Variants in PHF24 observed in about 807,000 individuals in gnomAD.
The protein encoded by PHF24 is Galpha inhibitory interacting protein.
PHF24 carries 25 observed loss-of-function variants against 42.6 expected under a neutral mutation model. The ratio of observed to expected loss-of-function variants is 0.59; its 90% confidence interval spans 0.43 to 0.82. The LOEUF (loss-of-function observed/expected upper bound fraction) is 0.82. Among genes scored for constraint, PHF24 ranks in the 40% least tolerant of loss-of-function variants. The pLI, the probability that PHF24 is intolerant of heterozygous loss-of-function variation, is 0.00. For synonymous variants in PHF24, 185 were observed against 204.8 expected, an observed-to-expected ratio of 0.90 and a Z score of 0.83; for missense variants, 470 against 538.1, an observed-to-expected ratio of 0.87 and a Z score of 1.25.
At chr9:34,759,622 A>G in the PHF24 span, among the ~76,000 whole-genome samples, 1 of 152,172 alleles carries the variant, frequency 6.6e-6, no homozygotes, top group Admixed American at 6.5e-5. Flanking sequence ...GGCTCCCTGC[A>G]GCTGCTGCTG....
the PHF24 span, among the ~76,000 whole-genome samples, chr9:34,827,091 T>C: frequency 6.6e-6 from 1 of 152,136 alleles, no homozygotes; most frequent in Non-Finnish European, 1.5e-5. Flanking sequence ...CATGAGCCCA[T>C]GCTGGCCTCA....
At chr9:34,886,660 A>T in the PHF24 span, among the ~76,000 whole-genome samples, 4 of 152,222 alleles carry the variant, frequency 2.6e-5, no homozygotes, top group Admixed American at 1.3e-4. Context: ...AACATTAAAG[A>T]GTCCCAGAGA....
chr9:34,839,523 C>T, the PHF24 span, among the ~76,000 whole-genome samples: 32 of 150,142 alleles, frequency 2.1e-4, no homozygotes, highest in East Asian at 6.2e-3. Flanking sequence ...TCCCTAACAG[C>T]CAATGATTTC....
chr9:34,820,639 T>C, the PHF24 span, among the ~76,000 whole-genome samples: 1 of 152,188 alleles, frequency 6.6e-6, no homozygotes, highest in Admixed American at 6.5e-5. Flanking sequence ...CTATTATTGA[T>C]GGGTATTTAG....
At chr9:34,864,024 G>A in the PHF24 span, among the ~76,000 whole-genome samples, 1 of 152,210 alleles carries the variant, frequency 6.6e-6, no homozygotes, top group East Asian at 1.9e-4. Context: ...ATGCATCAGA[G>A]TCTTCTAATA....
At chr9:34,961,454 A>C (rs1826586625) in intron 1 of PHF24, among the ~76,000 whole-genome samples, 1 of 152,178 alleles carries the variant, frequency 6.6e-6, no homozygotes, top group Non-Finnish European at 1.5e-5. Context: ...TCAGAGACTC[A>C]CTTACATTTA....
chr9:34,939,030 C>T, the PHF24 span, among the ~76,000 whole-genome samples: 2 of 151,324 alleles, frequency 1.3e-5, no homozygotes, highest in East Asian at 3.9e-4. Context: ...CCTGTAATCC[C>T]AGCACTTTGG....
chr9:34,729,540 G>T, the PHF24 span: 2 of 1,147,412 alleles, frequency 1.7e-6, no homozygotes, highest in Non-Finnish European at 2.4e-6. Context: ...ACAGAGGACG[G>T]AACTAGGCCA....
chr9:34,751,524 C>T, the PHF24 span, among the ~76,000 whole-genome samples: 1 of 152,044 alleles, frequency 6.6e-6, no homozygotes, highest in Non-Finnish European at 1.5e-5. Context: ...ATATATTCAC[C>T]CAATACTGGG....
chr9:34,676,605 C>T, the PHF24 span, among the ~76,000 whole-genome samples: 1 of 152,182 alleles, frequency 6.6e-6, no homozygotes, highest in East Asian at 1.9e-4. Flanking sequence ...GGCTTTCTTA[C>T]AGATACTGGA....
chr9:34,870,109 C>A, the PHF24 span, among the ~76,000 whole-genome samples: 1 of 151,880 alleles, frequency 6.6e-6, no homozygotes, highest in Admixed American at 6.6e-5. Flanking sequence ...GTGGAAAGTA[C>A]AAAAAGCTTG....
chr9:34,833,784 GCC>G, the PHF24 span: 1 of 1,551,230 alleles, frequency 6.4e-7, no homozygotes, highest in Non-Finnish European at 8.7e-7. Context: ...TGAGGGCATG[GCC>G]CAAGACTTAT....
At chr9:34,851,750 A>G in the PHF24 span, among the ~76,000 whole-genome samples, 3 of 152,168 alleles carry the variant, frequency 2.0e-5, no homozygotes, top group African/African-American at 7.2e-5. Context: ...CTTGGCTCCC[A>G]CCCTCACCTA....
chr9:34,856,214 A>G, the PHF24 span, among the ~76,000 whole-genome samples: 1 of 152,246 alleles, frequency 6.6e-6, no homozygotes, highest in Non-Finnish European at 1.5e-5. Context: ...ATTGGGTTGG[A>G]ACATGCTTCT....
At chr9:34,714,243 A>G in the PHF24 span, among the ~76,000 whole-genome samples, 3 of 152,184 alleles carry the variant, frequency 2.0e-5, no homozygotes, top group Non-Finnish European at 4.4e-5. Flanking sequence ...GATTTCTTGG[A>G]TCTTTTACCT....
At chr9:34,895,362 G>C in the PHF24 span, among the ~76,000 whole-genome samples, 1 of 152,142 alleles carries the variant, frequency 6.6e-6, no homozygotes, top group African/African-American at 2.4e-5. Flanking sequence ...AAGTGGAACA[G>C]ATTAAAGGAT....
the PHF24 span, among the ~76,000 whole-genome samples, chr9:34,666,876 C>A: frequency 6.6e-6 from 1 of 152,110 alleles, no homozygotes; most frequent in Non-Finnish European, 1.5e-5. Context: ...AACTGGGAGG[C>A]GGAGGTTGCT....
At chr9:34,956,165 G>C (rs1488508685), upstream of PHF24, among the ~76,000 whole-genome samples, 1 of 152,108 alleles carries the variant, frequency 6.6e-6, no homozygotes, top group Non-Finnish European at 1.5e-5. Flanking sequence ...TCCTCTATGA[G>C]ATTATAGTTC....
chr9:34,959,308 CA>C (rs1811941711), intron 1 of PHF24, among the ~76,000 whole-genome samples: 1 of 152,112 alleles, frequency 6.6e-6, no homozygotes, highest in Non-Finnish European at 1.5e-5. Flanking sequence ...TGTTGAGCAC[CA>C]GTACGCTAGG....
Sources: gnomAD v4.1 joint callset for allele counts (sites outside exome capture counted in the v4.1 genomes callset) on GRCh38, gnomAD v4.1.1 for gene constraint, MANE v1.5 for transcripts, NCBI Gene and HGNC (gene_info 2026-07-23, HGNC 2026-07-21) for gene names.